Variants in NUP50 observed in about 807,000 individuals in gnomAD.
The protein encoded by NUP50 is nuclear pore complex protein Nup50.
In NUP50, 14 loss-of-function variants were observed where a neutral mutation model predicts 36.8. That is an observed-to-expected ratio of 0.38 (90% CI 0.25 to 0.59). The LOEUF is 0.59. Ranked by LOEUF, NUP50 falls within the 20% of genes least tolerant of loss-of-function variation. The pLI, the probability that NUP50 is intolerant of heterozygous loss-of-function variation, is 0.63. For synonymous variants in NUP50, 195 were observed against 210.8 expected (o/e 0.93, Z 0.65); for missense variants, 455 against 564.6 (o/e 0.81, Z 1.97).
At chr22:45,174,293 TC>T in intron 3 of NUP50, among the ~76,000 whole-genome samples, 2 of 151,648 alleles carry the variant, frequency 1.3e-5, no homozygotes, top group East Asian at 3.9e-4. Context: ...TCCTCCTGCC[TC>T]AGCCTCCTGA....
intron 5 of NUP50, among the ~76,000 whole-genome samples, chr22:45,180,982 AT>A (rs34406699): frequency 0.012 from 1,803 of 150,656 alleles, 30 homozygotes; most frequent in African/African-American, 0.042. Flanking sequence ...TAGAGTGTTG[AT>A]TTTTTTTTTC....
intron 1 of NUP50, among the ~76,000 whole-genome samples, chr22:45,167,517 GT>G (rs1569042259): frequency 6.6e-6 from 1 of 152,160 alleles, no homozygotes; most frequent in African/African-American, 2.4e-5. Context: ...CCAATGATTT[GT>G]TTTTGAAAGG....
chr22:45,168,150 C>A lies in NUP50; in HGVS notation c.-10-18C>A, dbSNP rs770987840. On this transcript the variant is annotated intron_variant, in intron 1 of 7. Transcript: ENST00000347635. ...TATTCTTCTAGAAAAATAAACTCTT[C>A]TGTTTTCTATAACTTAGGTTCGAAA... 1 of 1,563,006 alleles carries A rather than the reference C, an allele frequency of 6.4e-7. No individual in the cohort carries two copies. The highest frequency in any genetic ancestry group is 1.8e-5 in the Admixed American group (1 of 54,966).
chr22:45,171,345 G>A (rs980375113), intron 2 of NUP50, among the ~76,000 whole-genome samples: 1 of 152,166 alleles, frequency 6.6e-6, no homozygotes, highest in East Asian at 1.9e-4. Flanking sequence ...GATTACAGGT[G>A]CCCACCACCA....
At position 45,187,773 on chromosome 22, in the gene NUP50, C is replaced by A. The variant is rs1436997091; in HGVS notation, c.*3118C>A. ...CCGTATGTTCTCAGCCAGTAACAAT[C>A]ATACTGAGGACGAAGGACTCTCCGT... is the stretch of plus-strand genomic sequence containing the variant. On this transcript the variant is annotated 3_prime_UTR_variant, in exon 8 of 8. Transcript: ENST00000347635. 2 of 152,566 alleles carry A rather than the reference C, an allele frequency of 1.3e-5. No individual in the cohort carries two copies. The highest frequency in any genetic ancestry group is 2.9e-5 in the Non-Finnish European group (2 of 68,046). 9.5% of individuals were successfully genotyped at this position (152,566 alleles called of 1,614,324 possible).
In NUP50 at chr22:45,185,613, G is replaced by A. The variant is rs1208252023; in HGVS notation, c.*958G>A. 2 of 152,212 alleles carry A rather than the reference G, an allele frequency of 1.3e-5. No individual in the cohort carries two copies. Among genetic ancestry groups the A allele is most frequent in the Non-Finnish European group, 2.9e-5 (2 of 68,040 alleles). The allele number at this position is 152,212 out of a possible 1,614,324, so 9.4% of individuals were successfully genotyped here. ...AATTCACTAGGAAACATGTAATAAA[G>A]TCATGGAAGAGAAAATCGTGTGTAA... On this transcript the variant is annotated 3_prime_UTR_variant, in exon 8 of 8. Transcript: ENST00000347635.
Position 45,184,308 on chromosome 22 carries a change from C to T in NUP50, c.1205-145C>T, listed in dbSNP as rs2074433274. On this transcript the variant is annotated intron_variant, in intron 7 of 7. Coordinates refer to ENST00000347635, the MANE Select transcript of NUP50 (RefSeq NM_007172.4). ...CCGAGGCCTCCCAGTTCTCAGGGAA[C>T]CAGTCCTGATTTTGTGCTGTCCTGT... 1.4e-5 allele frequency: 10 copies of T among 737,396 alleles called. No individual in the cohort carries two copies. In the South Asian group the frequency reaches 1.9e-4, roughly 14 times the overall value. The allele number at this position is 737,396 out of a possible 1,614,324, so 45.7% of individuals were successfully genotyped here. A position where few individuals can be genotyped will look rare whatever the true frequency, so the allele number is the denominator to read the frequency against.
At chr22:45,183,908 C>T (rs559310829) in intron 7 of NUP50, 157 of 211,746 alleles carry the variant, frequency 7.4e-4, no homozygotes, top group Admixed American at 1.2e-3. Context: ...TCCTAGTGCC[C>T]GGAGGAGGAG....
Position 45,175,775 on chromosome 22 carries a change from A to G in NUP50, c.154-119A>G, listed in dbSNP as rs542249157. On this transcript the variant is annotated intron_variant, in intron 3 of 7. Transcript: ENST00000347635. ...TCTGCTTGTGCCAGCAGTTTGCCTTATAACGCTGACTGCATGTGGAGTCTA... is the reference window on the plus strand; with the variant it reads ...TCTGCTTGTGCCAGCAGTTTGCCTTGTAACGCTGACTGCATGTGGAGTCTA... The G allele has an allele frequency of 2.4e-5, 20 of 831,004 alleles. No homozygotes were observed. In the South Asian group the frequency reaches 2.9e-4, roughly 12 times the overall value. The allele number at this position is 831,004 out of a possible 1,614,324, so 51.5% of individuals were successfully genotyped here. A position where few individuals can be genotyped will look rare whatever the true frequency, so the allele number is the denominator to read the frequency against.
At chr22:45,175,453 G>T (rs537892649) in intron 3 of NUP50, among the ~76,000 whole-genome samples, 2 of 152,246 alleles carry the variant, frequency 1.3e-5, no homozygotes, top group Admixed American at 1.3e-4. Flanking sequence ...TAGGCAAATG[G>T]ATATTTTTAG....
chr22:45,183,935 T>A, intron 7 of NUP50: 1 of 214,136 alleles, frequency 4.7e-6, no homozygotes, highest in Non-Finnish European at 9.5e-6. Flanking sequence ...GGGGCAGGCC[T>A]GCGGTGGAGC....
chr22:45,185,354 T>TTATCC lies in NUP50; in HGVS notation c.*700_*704dup. 1 of 152,852 alleles carries TTATCC rather than the reference T, an allele frequency of 6.5e-6. No homozygotes were observed. Among genetic ancestry groups the TTATCC allele is most frequent in the South Asian group, 2.1e-4 (1 of 4,826 alleles). The allele number at this position is 152,852 out of a possible 1,614,324, so 9.5% of individuals were successfully genotyped here. A position where few individuals can be genotyped will look rare whatever the true frequency, so the allele number is the denominator to read the frequency against. On this transcript the variant is annotated 3_prime_UTR_variant, in exon 8 of 8. Transcript: ENST00000347635. The stretch of plus-strand genomic sequence containing the variant: ...CTATTCATGAGGTAGTGTTACTTCT[T>TTATCC]TATCCCCCTAAAGACAAAATGAAGA...
At chr22:45,172,952 G>A (rs2074219775) in intron 3 of NUP50, among the ~76,000 whole-genome samples, 1 of 152,168 alleles carries the variant, frequency 6.6e-6, no homozygotes, top group Admixed American at 6.5e-5. Flanking sequence ...ACATGAAATC[G>A]ATTCTCAGGT....
In NUP50 at chr22:45,181,226, C is replaced by T. The variant is rs368302834; in HGVS notation, c.1004-60C>T. The T allele has an allele frequency of 1.1e-4, 126 of 1,098,702 alleles. 1 individual carries two copies. Among genetic ancestry groups the T allele is most frequent in the Middle Eastern group, 1.1e-3 (3 of 2,794 alleles). The allele number at this position is 1,098,702 out of a possible 1,614,324, so 68.1% of individuals were successfully genotyped here. A position where few individuals can be genotyped will look rare whatever the true frequency, so the allele number is the denominator to read the frequency against. On this transcript the variant is annotated intron_variant, in intron 5 of 7. Transcript: ENST00000347635. ...TTTAGGGTGTTACGTAACAAAACTT[C>T]AGTCACTTCTTTAAGCTCTGGATTG...
rs148014242 is a variant in NUP50, at chr22:45,174,169, C to T, written c.154-1725C>T. 4.2e-3 allele frequency among the ~76,000 whole-genome samples: 597 copies of T among 142,500 alleles called. 2 individuals carry two copies. Among genetic ancestry groups the T allele is most frequent in the African/African-American group, 0.015 (560 of 38,198 alleles). The allele number at this position is 142,500 out of a possible 152,430, so 93.5% of individuals were successfully genotyped here. On this transcript the variant is annotated intron_variant, in intron 3 of 7. Transcript: ENST00000347635. The stretch of plus-strand genomic sequence containing the variant: ...GTGTCAGTGCCCATGGAGGAGCCCA[C>T]ATGGGTATTTTCCCTTTTTTTTTTT...
At chr22:45,169,638 G>A (rs575589817) in intron 2 of NUP50, among the ~76,000 whole-genome samples, 6 of 152,344 alleles carry the variant, frequency 3.9e-5, no homozygotes, top group Admixed American at 6.5e-5. Flanking sequence ...AGGGTCAGGT[G>A]CTGAAGGGAC....
intron 5 of NUP50, among the ~76,000 whole-genome samples, chr22:45,180,842 TAA>T (rs11416722): frequency 0.028 from 4,095 of 147,310 alleles, 163 homozygotes; most frequent in African/African-American, 0.095. Context: ...TGTCCCCTGT[TAA>T]AAAAAAAAAA....
chr22:45,167,822 C>G (rs937575515), intron 1 of NUP50, among the ~76,000 whole-genome samples: 2 of 152,108 alleles, frequency 1.3e-5, no homozygotes, highest in Non-Finnish European at 2.9e-5. Flanking sequence ...AAGTTAAGGA[C>G]TTTTTGATTA....
At chr22:45,167,454 C>G (rs540241056) in intron 1 of NUP50, among the ~76,000 whole-genome samples, 1 of 152,202 alleles carries the variant, frequency 6.6e-6, no homozygotes, top group East Asian at 1.9e-4. Flanking sequence ...AGAGTTCACG[C>G]CGTTCCCCAA....
Sources: gnomAD v4.1 joint callset for allele counts (sites outside exome capture counted in the v4.1 genomes callset) on GRCh38, gnomAD v4.1.1 for gene constraint, MANE v1.5 for transcripts, NCBI Gene and HGNC (gene_info 2026-07-23, HGNC 2026-07-21) for gene names.